Variants in PXDNL observed in about 807,000 individuals in gnomAD.
PXDNL encodes peroxidasin like.
Under a neutral mutation model 150.8 loss-of-function variants are expected in PXDNL, and 145 were observed. The observed-to-expected ratio is 0.96, with a 90% confidence interval of 0.84 to 1.10. The LOEUF (loss-of-function observed/expected upper bound fraction) is 1.10. Among genes scored for constraint, PXDNL ranks in the 50% least tolerant of loss-of-function variants. The pLI is 0.00. For synonymous variants in PXDNL, 757 were observed against 725.7 expected (o/e 1.04, Z -0.69); for missense variants, 2,087 against 1,873.9 (o/e 1.11, Z -2.10).
At chr8:51,495,466 C>T (rs535351458) in intron 5 of PXDNL, among the ~76,000 whole-genome samples, 1 of 151,980 alleles carries the variant, frequency 6.6e-6, no homozygotes, top group Non-Finnish European at 1.5e-5. Context: ...CACAAAAAAC[C>T]CTTCAAAAAA....
chr8:51,807,087 G>A (rs1373681831), intron 1 of PXDNL, among the ~76,000 whole-genome samples: 1 of 151,668 alleles, frequency 6.6e-6, no homozygotes, highest in Non-Finnish European at 1.5e-5. Context: ...TAACCAATAG[G>A]GTGAAGAGTG....
At chr8:51,569,626 A>T in intron 3 of PXDNL, among the ~76,000 whole-genome samples, 1 of 151,994 alleles carries the variant, frequency 6.6e-6, no homozygotes, top group Non-Finnish European at 1.5e-5. Flanking sequence ...TTAACTTAAA[A>T]TTTTTGGCAC....
At position 51,605,767 on chromosome 8, in the gene PXDNL, G is replaced by C. The variant is rs1395032714; in HGVS notation, c.237-13069C>G. On this transcript the variant is annotated intron_variant, in intron 2 of 22. Transcript: ENST00000356297. ...TAATGAGGGCCCTGCCCTCATGAATGAGTTAATGTTGCTATCAAAGGTGTG... is the reference window on the plus strand; with the variant it reads ...TAATGAGGGCCCTGCCCTCATGAATCAGTTAATGTTGCTATCAAAGGTGTG... 3.3e-5 allele frequency among the ~76,000 whole-genome samples: 5 copies of C among 152,330 alleles called. No homozygotes were observed. In the East Asian group the frequency reaches 9.7e-4, roughly 29 times the overall value.
chr8:51,411,757 A>AC (rs1337611027), intron 15 of PXDNL, among the ~76,000 whole-genome samples: 1 of 151,942 alleles, frequency 6.6e-6, no homozygotes, highest in Non-Finnish European at 1.5e-5. Flanking sequence ...ACTATGCAAT[A>AC]CTCTCGGTCT....
At chr8:51,653,180 G>A (rs940236023) in intron 2 of PXDNL, among the ~76,000 whole-genome samples, 2 of 152,038 alleles carry the variant, frequency 1.3e-5, no homozygotes, top group Non-Finnish European at 2.9e-5. Context: ...CACTTTTTGG[G>A]AGGCCGAGGC....
At chr8:51,808,871 G>A (rs2037705427) in intron 1 of PXDNL, among the ~76,000 whole-genome samples, 1 of 152,166 alleles carries the variant, frequency 6.6e-6, no homozygotes, top group Non-Finnish European at 1.5e-5. Context: ...GGATGAATAG[G>A]AATAAATTGA....
intron 2 of PXDNL, among the ~76,000 whole-genome samples, chr8:51,641,763 G>T (rs1200675544): frequency 6.6e-6 from 1 of 152,140 alleles, no homozygotes; most frequent in African/African-American, 2.4e-5. Context: ...TGGTGGGACT[G>T]TAAACTAGTG....
intron 4 of PXDNL, among the ~76,000 whole-genome samples, chr8:51,522,162 A>G (rs1304442819): frequency 6.6e-6 from 1 of 152,228 alleles, no homozygotes; most frequent in Non-Finnish European, 1.5e-5. Context: ...TTTAAAACTA[A>G]CAAGTTGATT....
intron 3 of PXDNL, among the ~76,000 whole-genome samples, chr8:51,579,211 A>G (rs1222868581): frequency 1.3e-5 from 2 of 152,058 alleles, no homozygotes; most frequent in Non-Finnish European, 2.9e-5. Context: ...TACATATCTG[A>G]TAAAGGACTA....
intron 17 of PXDNL, among the ~76,000 whole-genome samples, chr8:51,376,452 TTG>T (rs1807311624): frequency 6.6e-6 from 1 of 152,212 alleles, no homozygotes; most frequent in Non-Finnish European, 1.5e-5. Context: ...GGTTTGAATG[TTG>T]TGTTATTGTT....
intron 1 of PXDNL, among the ~76,000 whole-genome samples, chr8:51,757,935 A>G (rs1449520210): frequency 6.6e-6 from 1 of 152,178 alleles, no homozygotes; most frequent in Non-Finnish European, 1.5e-5. Context: ...AATTGTATCC[A>G]AAGACTACAA....
intron 3 of PXDNL, among the ~76,000 whole-genome samples, chr8:51,559,339 C>CT (rs1812668069): frequency 7.0e-6 from 1 of 143,730 alleles, no homozygotes; most frequent in South Asian, 2.5e-4. Flanking sequence ...AACCCCCCCC[C>CT]CCCCCGCCAC....
At chr8:51,428,097 T>A (rs993764744) in intron 12 of PXDNL, among the ~76,000 whole-genome samples, 3 of 152,170 alleles carry the variant, frequency 2.0e-5, no homozygotes, top group African/African-American at 7.2e-5. Context: ...TGGACATAGA[T>A]CTTTTTAAAA....
At chr8:51,491,352 G>T (rs1810891012) in intron 5 of PXDNL, among the ~76,000 whole-genome samples, 1 of 152,132 alleles carries the variant, frequency 6.6e-6, no homozygotes, top group Non-Finnish European at 1.5e-5. Context: ...ATATAAAAGA[G>T]AAATACCTAA....
intron 1 of PXDNL, among the ~76,000 whole-genome samples, chr8:51,700,547 C>G (rs4873576): frequency 6.6e-6 from 1 of 151,422 alleles, no homozygotes; most frequent in African/African-American, 2.4e-5. Context: ...AATACACAAA[C>G]ATACATACAT....
At chr8:51,565,805 A>G (rs1219957112) in intron 3 of PXDNL, among the ~76,000 whole-genome samples, 1 of 151,876 alleles carries the variant, frequency 6.6e-6, no homozygotes, top group South Asian at 2.1e-4. Flanking sequence ...CATCCCTAAG[A>G]TATCTCATTA....
intron 4 of PXDNL, among the ~76,000 whole-genome samples, chr8:51,522,336 G>A (rs1056596978): frequency 6.6e-6 from 1 of 152,032 alleles, no homozygotes; most frequent in African/African-American, 2.4e-5. Flanking sequence ...AACTGCCATC[G>A]GGTCAGGTCT....
At chr8:51,499,521 T>C (rs1274276796) in intron 5 of PXDNL, among the ~76,000 whole-genome samples, 178 bp downstream of exon 5, 1 of 152,222 alleles carries the variant, frequency 6.6e-6, no homozygotes, top group African/African-American at 2.4e-5. Context: ...TTTCACCTTT[T>C]CTCCATTGAT....
At chr8:51,586,637 AT>A (rs1295391687) in intron 3 of PXDNL, among the ~76,000 whole-genome samples, 2 of 152,226 alleles carry the variant, frequency 1.3e-5, no homozygotes, top group Non-Finnish European at 2.9e-5. Flanking sequence ...TTCAAAAAAA[AT>A]CTTTTTATCT....
Sources: allele counts gnomAD v4.1 joint callset (sites outside exome capture counted in the v4.1 genomes callset), GRCh38; gene constraint gnomAD v4.1.1; transcripts MANE v1.5; gene names NCBI Gene and HGNC (gene_info 2026-07-23, HGNC 2026-07-21).